RGS6: variants seen among roughly 807,000 people sequenced by gnomAD.
RGS6 encodes the protein regulator of G protein signaling 6.
In RGS6, 30 loss-of-function variants were observed where a neutral mutation model predicts 78.5. That is an observed-to-expected ratio of 0.38 (90% CI 0.29 to 0.52). The LOEUF (loss-of-function observed/expected upper bound fraction) is 0.52, where lower values mean the gene tolerates loss of function less well. RGS6 is among the 20% of genes least tolerant of loss of function. The pLI, the probability that RGS6 is intolerant of heterozygous loss-of-function variation, is 0.85. For missense variants in RGS6, 495 were observed against 609.7 expected (o/e 0.81, Z 1.98); for synonymous variants, 206 against 206.0 (o/e 1.00, Z 0.00).
chr14:72,152,859 C>T (rs2096714374), intron 2 of RGS6, among the ~76,000 whole-genome samples: 1 of 151,960 alleles, frequency 6.6e-6, no homozygotes. Context: ...CTTACAGACA[C>T]TTTGAAGGGT....
At chr14:72,118,169 A>C (rs2095952634) in intron 2 of RGS6, among the ~76,000 whole-genome samples, 3 of 151,454 alleles carry the variant, frequency 2.0e-5, no homozygotes, top group South Asian at 4.1e-4. Flanking sequence ...AAAAAAAAAA[A>C]CAACAAAAAA....
intron 2 of RGS6, among the ~76,000 whole-genome samples, chr14:72,042,058 C>A (rs777992797): frequency 6.6e-6 from 1 of 151,808 alleles, no homozygotes; most frequent in African/African-American, 2.4e-5. Context: ...TACTGCTTAA[C>A]TTCTGCCTAC....
At chr14:72,316,509 A>G (rs1044045090) in intron 2 of RGS6, among the ~76,000 whole-genome samples, 85 of 152,216 alleles carry the variant, frequency 5.6e-4, no homozygotes, top group African/African-American at 1.9e-3. Context: ...TCCTTGTGAT[A>G]GTTTGCTGAG....
chr14:72,541,846 G>A (rs1205032041), intron 17 of RGS6, among the ~76,000 whole-genome samples: 1 of 152,234 alleles, frequency 6.6e-6, no homozygotes, highest in African/African-American at 2.4e-5. Flanking sequence ...TTCAAGAGAA[G>A]TGAGTATCAA....
chr14:72,553,847 T>TACAC (rs1402379728), intron 17 of RGS6, among the ~76,000 whole-genome samples: 1 of 152,202 alleles, frequency 6.6e-6, no homozygotes, highest in Non-Finnish European at 1.5e-5. Context: ...CTCACATTTC[T>TACAC]ACACACTACA....
chr14:72,162,506 C>T (rs1005513869), intron 2 of RGS6, among the ~76,000 whole-genome samples: 2 of 152,010 alleles, frequency 1.3e-5, no homozygotes, highest in African/African-American at 4.8e-5. Flanking sequence ...GCTAAGGAGG[C>T]CAGTCCAGGA....
the RGS6 span, among the ~76,000 whole-genome samples, chr14:71,882,410 A>G: frequency 2.0e-5 from 3 of 152,328 alleles, no homozygotes; most frequent in East Asian, 5.8e-4. Flanking sequence ...TAGTGCTGCT[A>G]TGAACATTGG....
chr14:71,929,227 C>A (rs1872735870), upstream of RGS6, among the ~76,000 whole-genome samples: 1 of 152,184 alleles, frequency 6.6e-6, no homozygotes, highest in South Asian at 2.1e-4. Flanking sequence ...CCACAAAAGT[C>A]ATTTATAGGT....
At chr14:72,415,370 T>A (rs2093726375) in intron 3 of RGS6, among the ~76,000 whole-genome samples, 1 of 152,166 alleles carries the variant, frequency 6.6e-6, no homozygotes, top group Non-Finnish European at 1.5e-5. Flanking sequence ...TGGTGTGCCA[T>A]TTGTTAAGCC....
chr14:72,568,507 C>T (rs554755869), downstream of RGS6, among the ~76,000 whole-genome samples: 62 of 152,316 alleles, frequency 4.1e-4, no homozygotes, highest in Non-Finnish European at 7.5e-4. Context: ...TGGGCAGCGG[C>T]CTCTCTCTGC....
chr14:72,134,212 A>G (rs538308648), intron 2 of RGS6, among the ~76,000 whole-genome samples: 1 of 152,258 alleles, frequency 6.6e-6, no homozygotes, highest in South Asian at 2.1e-4. Flanking sequence ...TGCTGTACCC[A>G]GTTACCTCTG....
At chr14:71,981,423 T>C (rs1419865707) in intron 2 of RGS6, among the ~76,000 whole-genome samples, 1 of 152,228 alleles carries the variant, frequency 6.6e-6, no homozygotes, top group Non-Finnish European at 1.5e-5. Context: ...ATGATGGTGA[T>C]GTACAGATGT....
At chr14:72,141,294 C>G (rs1480345334) in intron 2 of RGS6, among the ~76,000 whole-genome samples, 1 of 152,158 alleles carries the variant, frequency 6.6e-6, no homozygotes, top group Non-Finnish European at 1.5e-5. Context: ...CTCATCTATG[C>G]CTCAAGAACT....
intron 3 of RGS6, among the ~76,000 whole-genome samples, chr14:72,360,900 C>G (rs1180613917): frequency 1.3e-5 from 2 of 152,088 alleles, no homozygotes; most frequent in African/African-American, 4.8e-5. Flanking sequence ...TTCCTCCATG[C>G]TATTCTCATG....
chr14:72,096,436 C>T (rs562834237), intron 2 of RGS6, among the ~76,000 whole-genome samples: 3 of 152,282 alleles, frequency 2.0e-5, no homozygotes, highest in African/African-American at 7.2e-5. Context: ...TGTGCTAAAA[C>T]AACAAAACCT....
At chr14:72,284,593 G>C (rs947907123) in intron 2 of RGS6, among the ~76,000 whole-genome samples, 3 of 152,228 alleles carry the variant, frequency 2.0e-5, no homozygotes, top group African/African-American at 7.2e-5. Flanking sequence ...GAAGCTTTCT[G>C]TAGGGGTGGG....
chr14:72,121,731 G>A (rs752397329), intron 2 of RGS6, among the ~76,000 whole-genome samples: 2 of 152,010 alleles, frequency 1.3e-5, no homozygotes, highest in Non-Finnish European at 2.9e-5. Flanking sequence ...AGAGTCCTGG[G>A]CTACACTGCC....
At chr14:72,547,753 G>A (rs1247861456) in intron 17 of RGS6, among the ~76,000 whole-genome samples, 2 of 151,998 alleles carry the variant, frequency 1.3e-5, no homozygotes, top group Non-Finnish European at 2.9e-5. Flanking sequence ...ACAGGGCAGC[G>A]GTTCTTCCAT....
chr14:72,064,355 T>C (rs1292633664), intron 2 of RGS6, among the ~76,000 whole-genome samples: 1 of 152,182 alleles, frequency 6.6e-6, no homozygotes, highest in African/African-American at 2.4e-5. Flanking sequence ...GAGCTGGAAA[T>C]TCCTTTGAAA....
Sources: allele counts gnomAD v4.1 joint callset (sites outside exome capture counted in the v4.1 genomes callset), GRCh38; gene constraint gnomAD v4.1.1; transcripts MANE v1.5; gene names NCBI Gene and HGNC (gene_info 2026-07-23, HGNC 2026-07-21).